The following KCNJ3 variants were observed in gnomAD, a reference collection of about 807,000 sequenced individuals.
KCNJ3 encodes the protein G protein-activated inward rectifier potassium channel 1.
In KCNJ3, 4 loss-of-function variants were observed where a neutral mutation model predicts 39.2. The ratio of observed to expected loss-of-function variants is 0.10; its 90% CI spans 0.05 to 0.23. The LOEUF (loss-of-function observed/expected upper bound fraction) is 0.23. Among genes scored for constraint, KCNJ3 ranks in the 10% least tolerant of loss-of-function variants. The pLI, the probability that KCNJ3 is intolerant of heterozygous loss-of-function variation, is 1.00. For synonymous variants in KCNJ3, 230 were observed against 237.4 expected (o/e 0.97, Z 0.29); for missense variants, 276 against 634.9 (o/e 0.43, Z 6.08).
chr2:154,705,011 G>C (rs531051698), intron 1 of KCNJ3, among the ~76,000 whole-genome samples: 1 of 152,154 alleles, frequency 6.6e-6, no homozygotes, highest in Non-Finnish European at 1.5e-5. Flanking sequence ...CACTGGCCCT[G>C]TGGGCCCTTT....
intron 2 of KCNJ3, among the ~76,000 whole-genome samples, chr2:154,761,610 T>C (rs1244219574): frequency 1.3e-5 from 2 of 152,352 alleles, no homozygotes; most frequent in South Asian, 4.1e-4. Flanking sequence ...TTATTATGCT[T>C]TCTAGGAGAC....
At chr2:154,821,439 T>C (rs1337740225) in intron 2 of KCNJ3, among the ~76,000 whole-genome samples, 5 of 152,100 alleles carry the variant, frequency 3.3e-5, no homozygotes, top group Non-Finnish European at 7.4e-5. Context: ...GAAAATATTT[T>C]CCCTGTATCC....
rs925761068 is a variant in KCNJ3 at position 154,769,340 on chromosome 2, T to C, written c.919+59521T>C. ...CTGTGGGTTTGTCATAAATAGCTCT[T>C]ATTATTTTGAGATACGTCCCATCAG... On this transcript the variant is annotated intron_variant, in intron 2 of 2. Transcript: ENST00000295101. Among the ~76,000 whole-genome samples the C allele has an allele frequency of 2.0e-5, 3 of 152,196 alleles. No individual in the cohort carries two copies. In the East Asian group the frequency reaches 5.8e-4, roughly 29 times the overall value.
At chr2:154,785,342 A>G (rs911324968) in intron 2 of KCNJ3, among the ~76,000 whole-genome samples, 2 of 152,196 alleles carry the variant, frequency 1.3e-5, no homozygotes, top group African/African-American at 4.8e-5. Context: ...CCTGCCTTAC[A>G]GATGGCCATC....
At chr2:154,726,372 C>T (rs1464544827) in intron 2 of KCNJ3, among the ~76,000 whole-genome samples, 1 of 152,102 alleles carries the variant, frequency 6.6e-6, no homozygotes, top group Non-Finnish European at 1.5e-5. Flanking sequence ...CTCAACATAA[C>T]TAATGATTAA....
At chr2:154,805,492 A>G (rs1686894670) in intron 2 of KCNJ3, among the ~76,000 whole-genome samples, 1 of 152,206 alleles carries the variant, frequency 6.6e-6, no homozygotes, top group South Asian at 2.1e-4. Context: ...TAGTGCAGGG[A>G]TAATTTTAAA....
chr2:154,751,879 A>C (rs1187674590), intron 2 of KCNJ3, among the ~76,000 whole-genome samples: 1 of 151,992 alleles, frequency 6.6e-6, no homozygotes, highest in African/African-American at 2.4e-5. Context: ...TTCTCTTTTT[A>C]TAAAGACAAC....
chr2:154,801,534 CTTCT>C (rs753900791), intron 2 of KCNJ3, among the ~76,000 whole-genome samples: 175 of 139,054 alleles, frequency 1.3e-3, no homozygotes, highest in African/African-American at 4.2e-3. Context: ...TCCTTCTTTC[CTTCT>C]TTCTTTCTTT....
At chr2:154,709,356 A>G (rs901559390) in intron 1 of KCNJ3, 2 of 503,510 alleles carry the variant, frequency 4.0e-6, no homozygotes, top group South Asian at 4.5e-5. Flanking sequence ...CATTTCTCCA[A>G]AGCTCATGAG....
At chr2:154,731,711 T>C (rs1236311168) in intron 2 of KCNJ3, among the ~76,000 whole-genome samples, 1 of 114,442 alleles carries the variant, frequency 8.7e-6, no homozygotes, top group Admixed American at 8.0e-5. Flanking sequence ...GATCTTGCTC[T>C]GGAAAAAAAA....
chr2:154,762,171 G>A (rs954784435), intron 2 of KCNJ3, among the ~76,000 whole-genome samples: 6 of 152,152 alleles, frequency 3.9e-5, no homozygotes, highest in East Asian at 1.9e-4. Context: ...GGTAATTAAT[G>A]TGTGTTGATT....
At chr2:154,749,296 G>A (rs1318671175) in intron 2 of KCNJ3, among the ~76,000 whole-genome samples, 2 of 151,986 alleles carry the variant, frequency 1.3e-5, no homozygotes, top group Non-Finnish European at 2.9e-5. Flanking sequence ...TGAGATATGT[G>A]TATTTATAGC....
At chr2:154,844,971 G>C (rs1014863421) in intron 2 of KCNJ3, among the ~76,000 whole-genome samples, 1 of 152,128 alleles carries the variant, frequency 6.6e-6, no homozygotes, top group Non-Finnish European at 1.5e-5. Context: ...TGTCCAACCA[G>C]TCCCAATGAG....
At position 154,782,362 on chromosome 2, in the gene KCNJ3, G is replaced by T. The variant is rs544058483; in HGVS notation, c.920-72365G>T. ...TAAATGAGTTAATACATTTAAGGTA[G>T]TTAGAACAGTGATCGGCCCATAGTA... On this transcript the variant is annotated intron_variant, in intron 2 of 2. Transcript: ENST00000295101. Among the ~76,000 whole-genome samples the T allele has an allele frequency of 7.9e-5, 12 of 152,272 alleles. No homozygotes were observed. The East Asian group carries it at 2.3e-3, about 29-fold the overall frequency.
intron 2 of KCNJ3, among the ~76,000 whole-genome samples, chr2:154,814,393 T>C (rs1388755928): frequency 6.6e-6 from 1 of 152,090 alleles, no homozygotes; most frequent in East Asian, 1.9e-4. Context: ...ATCCTAACAC[T>C]TTGGGAGGCT....
At chr2:154,705,827 T>C (rs1029380886) in intron 1 of KCNJ3, among the ~76,000 whole-genome samples, 16 of 152,102 alleles carry the variant, frequency 1.1e-4, no homozygotes, top group Non-Finnish European at 2.4e-4. Flanking sequence ...TCAATTTTTA[T>C]AACTCCCAGA....
intron 2 of KCNJ3, among the ~76,000 whole-genome samples, chr2:154,811,158 G>A (rs1276181446): frequency 6.6e-6 from 1 of 152,064 alleles, no homozygotes; most frequent in Non-Finnish European, 1.5e-5. Flanking sequence ...AGAAACTTAC[G>A]CAGTTATGCA....
intron 2 of KCNJ3, among the ~76,000 whole-genome samples, chr2:154,793,456 A>G (rs1686670975): frequency 6.6e-6 from 1 of 152,052 alleles, no homozygotes; most frequent in Admixed American, 6.6e-5. Context: ...ACCCCACTGT[A>G]TGAGTGGTCT....
At chr2:154,806,400 A>T (rs1004422116) in intron 2 of KCNJ3, among the ~76,000 whole-genome samples, 1 of 152,176 alleles carries the variant, frequency 6.6e-6, no homozygotes, top group Non-Finnish European at 1.5e-5. Flanking sequence ...AGGGCCCAGA[A>T]CTTTTTGAGC....
Sources: gnomAD v4.1 joint callset for allele counts (sites outside exome capture counted in the v4.1 genomes callset) on GRCh38, gnomAD v4.1.1 for gene constraint, MANE v1.5 for transcripts, NCBI Gene and HGNC (gene_info 2026-07-23, HGNC 2026-07-21) for gene names.